The following ZC2HC1B variants were observed in gnomAD, a reference collection of about 807,000 sequenced individuals.
ZC2HC1B encodes zinc finger C2HC-type containing 1B.
Under a neutral mutation model 31.0 loss-of-function variants are expected in ZC2HC1B, and 36 were observed. That is an observed-to-expected ratio of 1.16 (90% CI 0.89 to 1.54). The LOEUF (loss-of-function observed/expected upper bound fraction) is 1.54. Among genes scored for constraint, ZC2HC1B ranks in the 40% most tolerant of loss-of-function variants. The pLI, the probability that ZC2HC1B is intolerant of heterozygous loss-of-function variation, is 0.00. For synonymous variants in ZC2HC1B, 73 were observed against 88.0 expected (o/e 0.83, Z 0.95); for missense variants, 260 against 268.6 (o/e 0.97, Z 0.22).
chr6:143,926,234 C>T (rs562502775), intron 6 of ZC2HC1B, among the ~76,000 whole-genome samples: 1 of 152,170 alleles, frequency 6.6e-6, no homozygotes, highest in African/African-American at 2.4e-5. Context: ...TGAAATGTTT[C>T]TACTTCTTGA....
chr6:143,873,479 C>G (rs571119027), intron 1 of ZC2HC1B, among the ~76,000 whole-genome samples: 4 of 152,258 alleles, frequency 2.6e-5, no homozygotes, highest in Non-Finnish European at 5.9e-5. Flanking sequence ...TGTGGGGGCT[C>G]TACCCCCAGA....
At position 143,883,265 on chromosome 6, in the gene ZC2HC1B, T is replaced by C. The variant is rs4896683; in HGVS notation, c.29-1039T>C. Among the ~76,000 whole-genome samples the C allele has an allele frequency of 0.19, 29,514 of 152,144 alleles. 4,734 individuals are homozygous for C. Among genetic ancestry groups the C allele is most frequent in the African/African-American group, 0.44 (18,220 of 41,468 alleles). On this transcript the variant is annotated intron_variant, in intron 1 of 7. Transcript: ENST00000237275. This position sits in a 1 kb window ranked among gnomAD's most constrained non-coding sequence, Gnocchi z 4.1. Reference sequence around the variant, plus strand: ...TGTTGCCCAAGCTGGTCTCGAATCCTTAGGCTCAAGCAATCCTCCTGCTTC... The same window carrying C: ...TGTTGCCCAAGCTGGTCTCGAATCCCTAGGCTCAAGCAATCCTCCTGCTTC...
intron 4 of ZC2HC1B, among the ~76,000 whole-genome samples, chr6:143,896,667 A>G (rs1777669353): frequency 6.6e-6 from 1 of 152,156 alleles, no homozygotes; most frequent in Admixed American, 6.5e-5. Flanking sequence ...TTCATAGTTA[A>G]CTTTCACAAC....
At chr6:143,867,216 A>G (rs1194007067) in intron 1 of ZC2HC1B, among the ~76,000 whole-genome samples, 2 of 152,256 alleles carry the variant, frequency 1.3e-5, no homozygotes, top group Non-Finnish European at 2.9e-5. Context: ...GATAAGGGAT[A>G]CTTAACCTGC....
In ZC2HC1B at chr6:143,923,646, C is replaced by A. The variant is rs1778005203; in HGVS notation, c.599-14003C>A. Reference sequence around the variant, plus strand: ...TTTGTATATTGTGAGACATAGGGATCTAGTTTCATTTTTCTGTACTTGGAT... The same window carrying A: ...TTTGTATATTGTGAGACATAGGGATATAGTTTCATTTTTCTGTACTTGGAT... On this transcript the variant is annotated intron_variant, in intron 6 of 7. Transcript: ENST00000237275. The surrounding 1 kb of genome is among the most constrained non-coding windows in gnomAD (Gnocchi z 4.8). 1.3e-5 allele frequency among the ~76,000 whole-genome samples: 2 copies of A among 152,006 alleles called. No individual in the cohort carries two copies. Among genetic ancestry groups the A allele is most frequent in the Admixed American group, 1.3e-4 (2 of 15,264 alleles).
chr6:143,907,461 A>G (rs377264779), intron 6 of ZC2HC1B, among the ~76,000 whole-genome samples: 1 of 152,260 alleles, frequency 6.6e-6, no homozygotes, highest in South Asian at 2.1e-4. Flanking sequence ...TAACTTTTTA[A>G]TAATAGCTAT....
chr6:143,872,681 C>T lies in ZC2HC1B; in HGVS notation c.28+8114C>T, dbSNP rs2128493190. Among the ~76,000 whole-genome samples, 1 of 152,248 alleles carries T rather than the reference C, an allele frequency of 6.6e-6. No homozygotes were observed. Among genetic ancestry groups the T allele is most frequent in the East Asian group, 1.9e-4 (1 of 5,190 alleles). On this transcript the variant is annotated intron_variant, in intron 1 of 7. Coordinates refer to ENST00000237275, the MANE Select transcript of ZC2HC1B (RefSeq NM_001013623.3). The surrounding 1 kb of genome is among the most constrained non-coding windows in gnomAD (Gnocchi z 5.5). The stretch of plus-strand genomic sequence containing the variant: ...GAATCATGGCAGAAGGCAAAAGGCA[C>T]TACTTACATGGTGGCAGCAAGAGAA...
At chr6:143,876,587 G>C (rs1332341506) in intron 1 of ZC2HC1B, among the ~76,000 whole-genome samples, 1 of 150,328 alleles carries the variant, frequency 6.7e-6, no homozygotes, top group Non-Finnish European at 1.5e-5. Flanking sequence ...GTATTAGTCA[G>C]GGTTCTCTAG....
At chr6:143,878,624 A>G (rs1777434860) in intron 1 of ZC2HC1B, among the ~76,000 whole-genome samples, 1 of 150,718 alleles carries the variant, frequency 6.6e-6, no homozygotes. Context: ...TATTGGCATG[A>G]GTTCAACATT....
rs1360234788 is a variant in ZC2HC1B at position 143,872,549 on chromosome 6, A to G, written c.28+7982A>G. 1.3e-5 allele frequency among the ~76,000 whole-genome samples: 2 copies of G among 152,092 alleles called. No individual in the cohort carries two copies. The highest frequency in any genetic ancestry group is 2.4e-5 in the African/African-American group (1 of 41,416). On this transcript the variant is annotated intron_variant, in intron 1 of 7. Transcript: ENST00000237275. The surrounding 1 kb of genome is among the most constrained non-coding windows in gnomAD (Gnocchi z 5.5). ...ACTATATTTATTTTTTATTTTTTAA[A>G]TTTATGTATTAGTCTATTTTCATGC...
intron 1 of ZC2HC1B, among the ~76,000 whole-genome samples, chr6:143,876,215 G>A (rs1224881711): frequency 6.6e-6 from 1 of 150,500 alleles, no homozygotes; most frequent in Non-Finnish European, 1.5e-5. Context: ...CTGAAGCTGG[G>A]AGTTAAAATC....
chr6:143,875,190 A>G (rs1777390493), intron 1 of ZC2HC1B, among the ~76,000 whole-genome samples: 1 of 152,096 alleles, frequency 6.6e-6, no homozygotes, highest in Non-Finnish European at 1.5e-5. Context: ...CCACTGTTAG[A>G]TGTGACATAC....
In ZC2HC1B at chr6:143,899,278, C is replaced by T. The variant is rs1334411866; in HGVS notation, c.489+587C>T. Among the ~76,000 whole-genome samples the T allele has an allele frequency of 1.3e-5, 2 of 152,218 alleles. No homozygotes were observed. Among genetic ancestry groups the T allele is most frequent in the African/African-American group, 4.8e-5 (2 of 41,460 alleles). On this transcript the variant is annotated intron_variant, in intron 5 of 7. Transcript: ENST00000237275. This position sits in a 1 kb window ranked among gnomAD's most constrained non-coding sequence, Gnocchi z 5.0. Reference sequence around the variant, plus strand: ...CAAACAGCACCATACAGTCGAAGGTCTCAGGTACATACTTACAATATAGCA... The same window carrying T: ...CAAACAGCACCATACAGTCGAAGGTTTCAGGTACATACTTACAATATAGCA...
chr6:143,898,482 T>A, intron 4 of ZC2HC1B, 70 bp from the exon 5 acceptor site: 1 of 1,496,860 alleles, frequency 6.7e-7, no homozygotes, highest in Non-Finnish European at 9.0e-7. Flanking sequence ...TAGTTCATTC[T>A]ATAATTCTAT....
At chr6:143,898,487 T>C in intron 4 of ZC2HC1B, 65 bp from the exon 5 acceptor site, 1 of 1,491,968 alleles carries the variant, frequency 6.7e-7, no homozygotes, top group South Asian at 1.2e-5. Flanking sequence ...CATTCTATAA[T>C]TCTATAGTAT....
At chr6:143,880,023 C>T (rs1777450764) in intron 1 of ZC2HC1B, among the ~76,000 whole-genome samples, 1 of 151,786 alleles carries the variant, frequency 6.6e-6, no homozygotes, top group Non-Finnish European at 1.5e-5. Context: ...ATGAGAGTCT[C>T]ACTGTGTTTC....
chr6:143,891,161 TATA>T (rs1777597837), intron 4 of ZC2HC1B, among the ~76,000 whole-genome samples: 1 of 151,322 alleles, frequency 6.6e-6, no homozygotes, highest in Admixed American at 6.6e-5. Flanking sequence ...TTAATAAATT[TATA>T]ATAACATAAA....
intron 4 of ZC2HC1B, 136 bp from the exon 5 acceptor site, chr6:143,898,416 C>T: frequency 8.7e-7 from 1 of 1,151,038 alleles, no homozygotes; most frequent in Non-Finnish European, 1.2e-6. Flanking sequence ...TCACCTCAGC[C>T]TCACAGAGTG....
At chr6:143,919,985 T>C (rs1777969151) in intron 6 of ZC2HC1B, among the ~76,000 whole-genome samples, 3 of 152,240 alleles carry the variant, frequency 2.0e-5, no homozygotes, top group African/African-American at 7.2e-5. Flanking sequence ...GTGAGGTAGA[T>C]ACTAGTTTTC....
Sources: gnomAD v4.1 joint callset for allele counts (sites outside exome capture counted in the v4.1 genomes callset) on GRCh38, gnomAD v4.1.1 for gene constraint, Gnocchi (gnomAD v3.1) non-coding constraint, MANE v1.5 for transcripts, NCBI Gene and HGNC (gene_info 2026-07-23, HGNC 2026-07-21) for gene names.